The following HHAT variants were observed in gnomAD, a reference collection of about 807,000 sequenced individuals.
HHAT encodes protein-cysteine N-palmitoyltransferase HHAT.
In HHAT, 47 loss-of-function variants were observed where a neutral mutation model predicts 70.8. The observed-to-expected ratio is 0.66, with a 90% CI of 0.53 to 0.85. The LOEUF is 0.85. Ranked by LOEUF, HHAT falls within the 40% of genes least tolerant of loss-of-function variation. The pLI is 0.00. For synonymous variants in HHAT, 228 were observed against 247.6 expected (o/e 0.92, Z 0.74); for missense variants, 609 against 604.8 (o/e 1.01, Z -0.07).
intron 8 of HHAT, among the ~76,000 whole-genome samples, chr1:210,506,047 G>T (rs928291563): frequency 3.3e-5 from 5 of 152,180 alleles, no homozygotes; most frequent in African/African-American, 1.2e-4. Context: ...CGGTGTGTGG[G>T]CCCCACCCCT....
intron 7 of HHAT, among the ~76,000 whole-genome samples, chr1:210,454,200 A>G (rs906722474): frequency 1.2e-4 from 19 of 152,160 alleles, no homozygotes; most frequent in Non-Finnish European, 2.5e-4. Flanking sequence ...CAGCCAAACC[A>G]TATCATGGAC....
At chr1:210,410,975 T>G (rs988658940) in intron 6 of HHAT, among the ~76,000 whole-genome samples, 3 of 152,200 alleles carry the variant, frequency 2.0e-5, no homozygotes, top group Admixed American at 6.5e-5. Context: ...AGTTTTAGCT[T>G]GTGAAAAGTA....
intron 10 of HHAT, chr1:210,589,096 A>C (rs1343234656): frequency 6.6e-6 from 1 of 152,262 alleles, no homozygotes; most frequent in Non-Finnish European, 1.5e-5. Flanking sequence ...ATGTGCTGGC[A>C]TCAGTGTTCA....
At chr1:210,451,089 A>C (rs1026200773) in intron 7 of HHAT, among the ~76,000 whole-genome samples, 2 of 37,158 alleles carry the variant, frequency 5.4e-5, no homozygotes, top group Non-Finnish European at 1.1e-4. Flanking sequence ...TCCATCTCCA[A>C]AAAAAAAAAA....
chr1:210,393,401 A>G (rs1381177832), intron 4 of HHAT, among the ~76,000 whole-genome samples: 1 of 152,168 alleles, frequency 6.6e-6, no homozygotes, highest in Non-Finnish European at 1.5e-5. Context: ...CCTGGGGGAA[A>G]GGATTGAGAA....
chr1:210,346,266 G>C (rs1417042340), intron 1 of HHAT, among the ~76,000 whole-genome samples: 1 of 152,126 alleles, frequency 6.6e-6, no homozygotes, highest in Non-Finnish European at 1.5e-5. Context: ...CCAATTAGGA[G>C]ATCAGCTTTT....
chr1:210,441,207 C>G (rs963470590), intron 7 of HHAT, among the ~76,000 whole-genome samples: 5 of 152,176 alleles, frequency 3.3e-5, no homozygotes, highest in African/African-American at 7.2e-5. Context: ...GAATGAGGAA[C>G]AGGAGAGGGA....
intron 8 of HHAT, among the ~76,000 whole-genome samples, chr1:210,500,852 C>T (rs940826631): frequency 1.3e-5 from 2 of 152,200 alleles, no homozygotes; most frequent in African/African-American, 4.8e-5. Flanking sequence ...GGACTGTTGC[C>T]AGTTGGCTTC....
intron 11 of HHAT, 83 bp from the exon 12 acceptor site, chr1:210,674,205 C>G (rs1680759908): frequency 8.4e-7 from 1 of 1,191,120 alleles, no homozygotes; most frequent in African/African-American, 1.5e-5. Context: ...GTTGCCTTCT[C>G]CAAAAGGGGA....
intron 1 of HHAT, among the ~76,000 whole-genome samples, chr1:210,334,285 A>C (rs1571654469): frequency 6.8e-6 from 1 of 148,136 alleles, no homozygotes; most frequent in East Asian, 2.0e-4. Flanking sequence ...CCTGCTGAGC[A>C]GCTGGGGCTA....
At chr1:210,374,326 G>GGTGC (rs1319920259) in intron 3 of HHAT, 1 of 152,182 alleles carries the variant, frequency 6.6e-6, no homozygotes, top group East Asian at 1.9e-4. Flanking sequence ...GTACGCCGAT[G>GGTGC]GTGCCTACAG....
intron 8 of HHAT, among the ~76,000 whole-genome samples, chr1:210,508,564 G>A (rs572765563): frequency 3.0e-4 from 45 of 152,228 alleles, no homozygotes; most frequent in African/African-American, 9.9e-4. Context: ...CAAACCTTTA[G>A]CGTCGTATCA....
chr1:210,573,454 C>T (rs549052222), intron 9 of HHAT, among the ~76,000 whole-genome samples: 2 of 152,348 alleles, frequency 1.3e-5, no homozygotes, highest in East Asian at 1.9e-4. Flanking sequence ...CAAAGGCCAA[C>T]TCTCGTTGGC....
chr1:210,514,092 C>T (rs1476459646), intron 9 of HHAT, among the ~76,000 whole-genome samples: 1 of 152,162 alleles, frequency 6.6e-6, no homozygotes, highest in Non-Finnish European at 1.5e-5. Context: ...TGGTAAGATG[C>T]TCTTTGAGAG....
intron 7 of HHAT, among the ~76,000 whole-genome samples, chr1:210,451,525 A>G (rs2093756643): frequency 6.6e-6 from 1 of 152,180 alleles, no homozygotes; most frequent in Non-Finnish European, 1.5e-5. Context: ...ACAGAAAGGT[A>G]ATTTCTATTT....
rs766375128 is a variant in HHAT, at chr1:210,674,396, C to G, written c.*17C>G. ...ACGGACTAATGCTGTTGGGCCCAGG[C>G]CAGTCCTTGTTGCTGGCCTCCAAGG... On this transcript the variant is annotated 3_prime_UTR_variant, in exon 12 of 12. Transcript: ENST00000261458. 1 of 1,604,858 alleles carries G rather than the reference C, an allele frequency of 6.2e-7. No homozygotes were observed. Among genetic ancestry groups the G allele is most frequent in the African/African-American group, 1.3e-5 (1 of 74,876 alleles).
intron 6 of HHAT, among the ~76,000 whole-genome samples, chr1:210,410,184 C>G (rs560714136): frequency 6.6e-6 from 1 of 152,006 alleles, no homozygotes; most frequent in African/African-American, 2.4e-5. Context: ...TCCCGAGTAG[C>G]TGGGCCTACA....
chr1:210,503,899 T>C (rs1014288791), intron 8 of HHAT, among the ~76,000 whole-genome samples: 1 of 152,234 alleles, frequency 6.6e-6, no homozygotes, highest in Non-Finnish European at 1.5e-5. Context: ...TCATGAACTT[T>C]AAGTGCTAAA....
intron 8 of HHAT, among the ~76,000 whole-genome samples, chr1:210,477,295 G>A (rs891957054): frequency 2.0e-5 from 3 of 152,176 alleles, no homozygotes; most frequent in African/African-American, 7.2e-5. Flanking sequence ...GTTGTCACAG[G>A]ATGCATTTGG....
Sources: allele counts gnomAD v4.1 joint callset (sites outside exome capture counted in the v4.1 genomes callset), GRCh38; gene constraint gnomAD v4.1.1; transcripts MANE v1.5; gene names NCBI Gene and HGNC (gene_info 2026-07-23, HGNC 2026-07-21).